Variants in IQGAP2 observed in about 807,000 individuals in gnomAD.
IQGAP2 encodes IQ motif containing GTPase activating protein 2, also known as ras GTPase-activating-like protein IQGAP2.
In IQGAP2, 173 loss-of-function variants were observed where a neutral mutation model predicts 201.3. The observed-to-expected ratio is 0.86, with a 90% CI of 0.76 to 0.98. The LOEUF is 0.98. Among genes scored for constraint, IQGAP2 ranks in the 50% least tolerant of loss-of-function variants. IQGAP2 has a pLI of 0.00. For missense variants in IQGAP2, 1,687 were observed against 1,864.8 expected, an observed-to-expected ratio of 0.90 and a Z score of 1.76; for synonymous variants, 675 against 673.9, an observed-to-expected ratio of 1.00 and a Z score of -0.03.
chr5:76,587,408 A>G (rs934804744), intron 5 of IQGAP2, among the ~76,000 whole-genome samples: 1 of 152,210 alleles, frequency 6.6e-6, no homozygotes, highest in African/African-American at 2.4e-5. Context: ...ATTATTTGCC[A>G]TAGTTATTAA....
At chr5:76,515,658 T>G (rs1037196971) in intron 2 of IQGAP2, among the ~76,000 whole-genome samples, 5 of 152,210 alleles carry the variant, frequency 3.3e-5, no homozygotes, top group Non-Finnish European at 2.9e-5. Flanking sequence ...GTAAAGCACA[T>G]TTCACCAAGT....
At chr5:76,541,030 T>C (rs891300526) in intron 2 of IQGAP2, among the ~76,000 whole-genome samples, 2 of 152,212 alleles carry the variant, frequency 1.3e-5, no homozygotes, top group African/African-American at 2.4e-5. Flanking sequence ...TGATGAAATA[T>C]ATATAATGTA....
At chr5:76,504,326 G>A (rs908761917) in intron 2 of IQGAP2, among the ~76,000 whole-genome samples, 1 of 152,160 alleles carries the variant, frequency 6.6e-6, no homozygotes, top group Non-Finnish European at 1.5e-5. Context: ...TCAGGCAGGG[G>A]AACTGGTAGC....
chr5:76,472,681 A>C (rs1755178391), intron 2 of IQGAP2, among the ~76,000 whole-genome samples: 1 of 152,222 alleles, frequency 6.6e-6, no homozygotes, highest in Non-Finnish European at 1.5e-5. Flanking sequence ...TGTATGTTGG[A>C]CAGGTGCCAA....
At chr5:76,496,719 T>TC (rs1756926185) in intron 2 of IQGAP2, among the ~76,000 whole-genome samples, 4 of 18,846 alleles carry the variant, frequency 2.1e-4, no homozygotes, top group African/African-American at 9.9e-4. Flanking sequence ...TTTCTTTCTT[T>TC]CTTTCTTTTC....
intron 27 of IQGAP2, 125 bp from the exon 28 acceptor site, chr5:76,677,093 C>T (rs560357745): frequency 1.4e-5 from 12 of 876,908 alleles, no homozygotes; most frequent in East Asian, 7.8e-5. Flanking sequence ...AGCTGTAACA[C>T]GTCCTCTCAA....
At position 76,507,208 on chromosome 5, in the gene IQGAP2, C is replaced by T. The variant is rs116784585; in HGVS notation, c.146+45539C>T. ...CAGAATAGGGATCTCAGAAATAGAC[C>T]TACTTAAATATAGTCAACTGATCTT... On this transcript the variant is annotated intron_variant, in intron 2 of 35. Coordinates refer to ENST00000274364, the MANE Select transcript of IQGAP2 (RefSeq NM_006633.5). Among the ~76,000 whole-genome samples, 934 of 152,250 alleles carry T rather than the reference C, an allele frequency of 6.1e-3. 10 individuals carry two copies. The highest frequency in any genetic ancestry group is 0.021 in the African/African-American group (874 of 41,542).
chr5:76,579,809 G>A (rs1278628903), intron 5 of IQGAP2, among the ~76,000 whole-genome samples: 1 of 152,240 alleles, frequency 6.6e-6, no homozygotes, highest in African/African-American at 2.4e-5. Context: ...GTTAGTGGAT[G>A]TGACCACCAG....
intron 1 of IQGAP2, among the ~76,000 whole-genome samples, chr5:76,448,081 TAA>T (rs1163475628): frequency 1.4e-4 from 21 of 152,302 alleles, no homozygotes; most frequent in Non-Finnish European, 2.6e-4. Flanking sequence ...TTGCATCTCC[TAA>T]GGGTAGCGTG....
chr5:76,700,961 AGC>A, intron 33 of IQGAP2, 113 bp from the exon 34 acceptor site: 1 of 1,019,548 alleles, frequency 9.8e-7, no homozygotes, highest in Non-Finnish European at 1.4e-6. Context: ...GTGTATATTC[AGC>A]GCTCTGAGGG....
At chr5:76,516,229 G>A (rs1758313911) in intron 2 of IQGAP2, among the ~76,000 whole-genome samples, 1 of 152,042 alleles carries the variant, frequency 6.6e-6, no homozygotes. Flanking sequence ...CAGAAAATAG[G>A]CTTAAGATTT....
chr5:76,555,918 A>G (rs1743912308), intron 2 of IQGAP2, among the ~76,000 whole-genome samples: 1 of 152,098 alleles, frequency 6.6e-6, no homozygotes, highest in African/African-American at 2.4e-5. Flanking sequence ...CAACCCAGTC[A>G]CTTGGCACCT....
intron 17 of IQGAP2, among the ~76,000 whole-genome samples, chr5:76,645,611 C>T (rs1751974578): frequency 6.6e-6 from 1 of 152,096 alleles, no homozygotes; most frequent in African/African-American, 2.4e-5. Context: ...TGATGATGAG[C>T]TTTTTTTCAT....
chr5:76,447,487 A>G (rs1168365315), intron 1 of IQGAP2, among the ~76,000 whole-genome samples: 1 of 151,868 alleles, frequency 6.6e-6, no homozygotes. Flanking sequence ...GCAAAAACAA[A>G]CAAACAAACA....
chr5:76,432,528 A>C (rs1360137270), intron 1 of IQGAP2, among the ~76,000 whole-genome samples: 1 of 152,148 alleles, frequency 6.6e-6, no homozygotes, highest in African/African-American at 2.4e-5. Flanking sequence ...GGAGATCTAG[A>C]GCTACATTTT....
intron 13 of IQGAP2, chr5:76,616,481 C>T (rs1748979666): frequency 6.5e-6 from 1 of 152,712 alleles, no homozygotes. Flanking sequence ...TGTATCCTAA[C>T]TGATATCTAA....
At chr5:76,494,841 C>T (rs547868079) in intron 2 of IQGAP2, among the ~76,000 whole-genome samples, 4 of 152,262 alleles carry the variant, frequency 2.6e-5, no homozygotes, top group African/African-American at 9.6e-5. Flanking sequence ...CAGAGAACGT[C>T]GACATGTGCA....
chr5:76,546,515 C>T (rs916602362), intron 2 of IQGAP2, among the ~76,000 whole-genome samples: 1 of 152,128 alleles, frequency 6.6e-6, no homozygotes. Context: ...ATATACCAGG[C>T]GTCATGGTGG....
chr5:76,534,197 GA>G (rs1759490844), intron 2 of IQGAP2, among the ~76,000 whole-genome samples: 1 of 152,186 alleles, frequency 6.6e-6, no homozygotes, highest in South Asian at 2.1e-4. Flanking sequence ...ACTGTTTGTG[GA>G]AAGCCAGTAG....
Sources: gnomAD v4.1 joint callset for allele counts (sites outside exome capture counted in the v4.1 genomes callset) on GRCh38, gnomAD v4.1.1 for gene constraint, MANE v1.5 for transcripts, NCBI Gene and HGNC (gene_info 2026-07-23, HGNC 2026-07-21) for gene names.